Variants in ELOVL7 observed in about 807,000 individuals in gnomAD.
ELOVL7 encodes ELOVL fatty acid elongase 7.
A neutral mutation model predicts 35.7 loss-of-function variants in ELOVL7; 27 were observed. The observed-to-expected ratio is 0.76, with a 90% CI of 0.56 to 1.04. ELOVL7 has a LOEUF of 1.04. Ranked by LOEUF, ELOVL7 falls within the 50% of genes least tolerant of loss-of-function variation. The pLI, the probability that ELOVL7 is intolerant of heterozygous loss-of-function variation, is 0.00. For missense variants in ELOVL7, 327 were observed against 340.8 expected, an observed-to-expected ratio of 0.96 and a Z score of 0.32; for synonymous variants, 113 against 114.6, an observed-to-expected ratio of 0.99 and a Z score of 0.09.
chr5:60,793,408 T>C (rs974545772), intron 2 of ELOVL7, among the ~76,000 whole-genome samples: 7 of 152,112 alleles, frequency 4.6e-5, no homozygotes, highest in East Asian at 1.9e-4. Context: ...TGCCCTAAGC[T>C]AGCAGGCACC....
rs530993308 is a variant in ELOVL7 at position 60,791,287 on chromosome 5, A to G, written c.-34-3856T>C. Among the ~76,000 whole-genome samples, 3 of 152,232 alleles carry G rather than the reference A, an allele frequency of 2.0e-5. No individual in the cohort carries two copies. The East Asian group carries it at 5.8e-4, about 29-fold the overall frequency. ...AAACCGCACCCAGCCAAAATCAGCCATTTATCATTTAGAGAGAGAAATTGT... is the reference window on the plus strand; with the variant it reads ...AAACCGCACCCAGCCAAAATCAGCCGTTTATCATTTAGAGAGAGAAATTGT... On this transcript the variant is annotated intron_variant, in intron 2 of 8. Transcript: ENST00000508821.
At position 60,754,582 on chromosome 5, in the gene ELOVL7, G is replaced by A; in HGVS notation, c.*42C>T. Reference sequence around the variant, plus strand: ...AGGTAAATATCTCTTGATTGTCAAGGAAGACAATGTATCAGTTTCGATCAT... The same window carrying A: ...AGGTAAATATCTCTTGATTGTCAAGAAAGACAATGTATCAGTTTCGATCAT... On this transcript the variant is annotated 3_prime_UTR_variant, in exon 9 of 9. Coordinates refer to ENST00000508821, the MANE Select transcript of ELOVL7 (RefSeq NM_024930.3). The A allele has an allele frequency of 6.6e-7, 1 of 1,526,666 alleles. No homozygotes were observed. The highest frequency in any genetic ancestry group is 9.1e-7 in the Non-Finnish European group (1 of 1,101,280). The allele number at this position is 1,526,666 out of a possible 1,614,324, so 94.6% of individuals were successfully genotyped here. A position where few individuals can be genotyped will look rare whatever the true frequency, so the allele number is the denominator to read the frequency against.
At chr5:60,794,619 T>C (rs1251004135) in intron 2 of ELOVL7, among the ~76,000 whole-genome samples, 1 of 152,248 alleles carries the variant, frequency 6.6e-6, no homozygotes, top group Non-Finnish European at 1.5e-5. Context: ...TTGGAGACAC[T>C]GTACCTGAGG....
chr5:60,835,756 C>T lies in ELOVL7; in HGVS notation c.-86+8404G>A, dbSNP rs543621999. Among the ~76,000 whole-genome samples the T allele has an allele frequency of 5.9e-5, 9 of 152,138 alleles. No homozygotes were observed. In the South Asian group the frequency reaches 1.7e-3, roughly 28 times the overall value. On this transcript the variant is annotated intron_variant, in intron 1 of 8. Coordinates refer to ENST00000508821, the MANE Select transcript of ELOVL7 (RefSeq NM_024930.3). Reference sequence around the variant, plus strand: ...GTTTTCCTGACCCCTTAGTGACTCACTTTTATGGAACCTTTCCAAAGAATT... The same window carrying T: ...GTTTTCCTGACCCCTTAGTGACTCATTTTTATGGAACCTTTCCAAAGAATT...
rs188000206 is a variant in ELOVL7 at position 60,777,492 on chromosome 5, C to T, written c.65-5399G>A. On this transcript the variant is annotated intron_variant, in intron 3 of 8. Transcript: ENST00000508821. ...AGCAGAGGTGGCTTATGTTTTAAAA[C>T]ATCTTACACTTAGACTGCCTTTAAA... Among the ~76,000 whole-genome samples the T allele has an allele frequency of 2.3e-3, 343 of 152,142 alleles. 1 individual carries two copies. The highest frequency in any genetic ancestry group is 7.9e-3 in the African/African-American group (330 of 41,522).
chr5:60,778,169 G>A (rs944605170), intron 3 of ELOVL7, among the ~76,000 whole-genome samples: 3 of 152,060 alleles, frequency 2.0e-5, no homozygotes, highest in Non-Finnish European at 2.9e-5. Flanking sequence ...AGGATGTCTC[G>A]TTGTTTTGTG....
At chr5:60,788,902 T>C (rs948235346) in intron 2 of ELOVL7, among the ~76,000 whole-genome samples, 2 of 152,170 alleles carry the variant, frequency 1.3e-5, no homozygotes, top group African/African-American at 4.8e-5. Context: ...ATATGGCATA[T>C]GCTATATGAT....
intron 1 of ELOVL7, among the ~76,000 whole-genome samples, chr5:60,839,921 AG>A (rs1747061984): frequency 6.6e-6 from 1 of 151,774 alleles, no homozygotes; most frequent in Non-Finnish European, 1.5e-5. Context: ...GGATTGCTTG[AG>A]TCTGGGGATT....
At chr5:60,793,189 T>C (rs1350964269) in intron 2 of ELOVL7, among the ~76,000 whole-genome samples, 1 of 152,146 alleles carries the variant, frequency 6.6e-6, no homozygotes, top group Non-Finnish European at 1.5e-5. Flanking sequence ...CTCAATGCAG[T>C]AGTTAAAGAG....
At chr5:60,759,767 T>G (rs1172885895) in intron 7 of ELOVL7, among the ~76,000 whole-genome samples, 1 of 152,092 alleles carries the variant, frequency 6.6e-6, no homozygotes, top group Non-Finnish European at 1.5e-5. Context: ...TAGGTATATC[T>G]CCTAATGCTA....
At chr5:60,776,280 G>A (rs1007042500) in intron 3 of ELOVL7, among the ~76,000 whole-genome samples, 3 of 152,168 alleles carry the variant, frequency 2.0e-5, no homozygotes, top group Admixed American at 6.6e-5. Flanking sequence ...CACTGTTGGT[G>A]GAAATGCAAA....
chr5:60,759,530 A>C (rs1741751516), intron 7 of ELOVL7, among the ~76,000 whole-genome samples: 1 of 151,926 alleles, frequency 6.6e-6, no homozygotes, highest in Non-Finnish European at 1.5e-5. Context: ...CATCTATTTC[A>C]CCTTTGATAT....
At chr5:60,806,360 A>G (rs1744923835) in intron 1 of ELOVL7, among the ~76,000 whole-genome samples, 1 of 152,216 alleles carries the variant, frequency 6.6e-6, no homozygotes. Flanking sequence ...AAAATCCAGA[A>G]TTGGAGCCCA....
rs1399192362 is a variant in ELOVL7 at position 60,771,982 on chromosome 5, C to T, written c.176G>A (p.Arg59His). The T allele has an allele frequency of 9.3e-6, 15 of 1,613,708 alleles. No individual in the cohort carries two copies. The highest frequency in any genetic ancestry group is 3.3e-5 in the South Asian group (3 of 91,060). The stretch of plus-strand genomic sequence containing the variant: ...TGCTTTCTTGAGTTCAAAGGGCTTG[C>T]GATTTTCCATGAGCTTTGGTCCCAA... The part of the protein sequence containing the change: ...TSLGPKLMEN[R>H]KPFELKKAMI... The change falls in exon 4 of 9, where the codon CGC becomes CAC. Residue 59 changes from arginine to histidine, a missense_variant. Arg to His is a conservative substitution (Grantham distance 29). Coordinates refer to ENST00000508821, the MANE Select transcript of ELOVL7 (RefSeq NM_024930.3).
At chr5:60,832,654 G>A (rs1022609514) in intron 1 of ELOVL7, among the ~76,000 whole-genome samples, 10 of 152,098 alleles carry the variant, frequency 6.6e-5, no homozygotes, top group Non-Finnish European at 1.2e-4. Context: ...GTGCGCCATC[G>A]CGCCCAGCCG....
intron 1 of ELOVL7, among the ~76,000 whole-genome samples, chr5:60,805,165 G>A (rs1744852006): frequency 6.6e-6 from 1 of 152,082 alleles, no homozygotes; most frequent in Non-Finnish European, 1.5e-5. Flanking sequence ...GAAAGGAGAG[G>A]CCTGCACTGC....
intron 1 of ELOVL7, among the ~76,000 whole-genome samples, chr5:60,800,591 T>TTTGTTTTAG: frequency 6.6e-6 from 1 of 152,300 alleles, no homozygotes; most frequent in Admixed American, 6.5e-5. Context: ...TTTTTTGTTG[T>TTTGTTTTAG]TTGTTTTAAA....
chr5:60,795,388 A>T (rs550246432), intron 2 of ELOVL7, among the ~76,000 whole-genome samples: 1 of 152,306 alleles, frequency 6.6e-6, no homozygotes, highest in East Asian at 1.9e-4. Context: ...AATACAAATT[A>T]ACACTAAAAG....
intron 7 of ELOVL7, 100 bp from the exon 8 acceptor site, chr5:60,757,745 G>A (rs1284038760): frequency 2.9e-6 from 3 of 1,033,228 alleles, no homozygotes; most frequent in Non-Finnish European, 4.0e-6. Flanking sequence ...CTTGCATTTT[G>A]GAAAAAAATA....
Sources: allele counts gnomAD v4.1 joint callset (sites outside exome capture counted in the v4.1 genomes callset), GRCh38; gene constraint gnomAD v4.1.1; transcripts MANE v1.5; gene names NCBI Gene and HGNC (gene_info 2026-07-23, HGNC 2026-07-21).